Variants in USP5 observed in about 807,000 individuals in gnomAD.
USP5 encodes the protein ubiquitin specific peptidase 5.
A neutral mutation model predicts 102.5 loss-of-function variants in USP5; 24 were observed. The observed-to-expected ratio is 0.23, with a 90% CI of 0.17 to 0.33. USP5 has a LOEUF of 0.33. USP5 is among the 10% of genes least tolerant of loss of function. USP5 has a pLI of 1.00. For synonymous variants in USP5, 460 were observed against 434.8 expected, an observed-to-expected ratio of 1.06 and a Z score of -0.72; for missense variants, 753 against 1,122.1, an observed-to-expected ratio of 0.67 and a Z score of 4.70.
chr12:6,861,137 C>T lies in USP5; in HGVS notation c.1498+31C>T, dbSNP rs1185106186. The T allele has an allele frequency of 4.3e-6, 7 of 1,612,248 alleles. No individual in the cohort carries two copies. The highest frequency in any genetic ancestry group is 1.7e-4 in the Middle Eastern group (1 of 5,994). Reference sequence around the variant, plus strand: ...CTGCTCCATCAGCAAGGCCGTGGCACGGTGGGAGGCTAAGGTCTAGGAGGA... The same window carrying T: ...CTGCTCCATCAGCAAGGCCGTGGCATGGTGGGAGGCTAAGGTCTAGGAGGA... On this transcript the variant is annotated intron_variant, in intron 12 of 19. Transcript: ENST00000229268. This position sits in a 1 kb window ranked among gnomAD's most constrained non-coding sequence, Gnocchi z 4.9.
Position 6,860,169 on chromosome 12 carries a change from C to T in USP5, c.1149C>T (p.Gly383=), listed in dbSNP as rs1555129205. 3.1e-6 allele frequency: 5 copies of T among 1,605,318 alleles called. No individual in the cohort carries two copies. The highest frequency in any genetic ancestry group is 1.1e-5 in the South Asian group (1 of 89,776). ...AATGCAGGGCCAAGCTGGGCCATGG[C>T]CTTCTCTCCGGGGAGTATTCCAAGC... ...FSTQVAKLGH[G]LLSGEYSKPV... The change falls in exon 10 of 20, where the codon GGC becomes GGT. Residue 383 remains glycine (G), a synonymous_variant. Transcript: ENST00000229268. The surrounding 1 kb of genome is among the most constrained non-coding windows in gnomAD (Gnocchi z 5.5).
intron 18 of USP5, 125 bp from the exon 19 acceptor site, chr12:6,865,039 C>G: frequency 1.6e-6 from 2 of 1,279,238 alleles, no homozygotes; most frequent in Non-Finnish European, 2.2e-6. Context: ...CAGGCTCTGG[C>G]CCAGTACCTG....
chr12:6,864,754 C>T lies in USP5; in HGVS notation c.2277C>T (p.Ile759=), dbSNP rs782376132. ...NNSLERAVDW[I]FSHIDDLDAE... is the part of the protein sequence containing the mutation. ...GTTTAGAACGGGCTGTGGACTGGAT[C>T]TTCAGTCACATTGACGACCTGGATG... Residue 759 remains isoleucine (I), a synonymous_variant, in exon 18 of 20, where the codon ATC becomes ATT. Coordinates refer to ENST00000229268, the MANE Select transcript of USP5 (RefSeq NM_001098536.2). This position sits in a 1 kb window ranked among gnomAD's most constrained non-coding sequence, Gnocchi z 4.8. 11 of 1,612,774 alleles carry T rather than the reference C, an allele frequency of 6.8e-6. No homozygotes were observed. Among genetic ancestry groups the T allele is most frequent in the Non-Finnish European group, 8.5e-6 (10 of 1,180,032 alleles).
chr12:6,865,835 C>T (rs1944429516), intron 19 of USP5, 149 bp from the exon 20 acceptor site: 1 of 689,132 alleles, frequency 1.5e-6, no homozygotes, highest in East Asian at 2.7e-5. Flanking sequence ...TTGTGAAGCT[C>T]CCTTAAGGCA....
intron 19 of USP5, among the ~76,000 whole-genome samples, chr12:6,865,473 G>A (rs77625565): frequency 1.3e-5 from 2 of 152,126 alleles, no homozygotes; most frequent in African/African-American, 4.8e-5. Flanking sequence ...ATGTTGCCCA[G>A]GCTGGTCTTG....
At chr12:6,857,269 C>T (rs1056388641) in intron 6 of USP5, 8 of 328,124 alleles carry the variant, frequency 2.4e-5, no homozygotes, top group Non-Finnish European at 4.0e-5. Context: ...GGACTCCAGC[C>T]TGGGCTACAG....
rs1944333634 is a variant in USP5, at chr12:6,863,416, T to C, written c.1954+39T>C. Reference sequence around the variant, plus strand: ...CTTCCTGCCTGTCTCTCTCCCGTGCTGATGGGGGCCTCTCTGCCTTGCATC... The same window carrying C: ...CTTCCTGCCTGTCTCTCTCCCGTGCCGATGGGGGCCTCTCTGCCTTGCATC... On this transcript the variant is annotated intron_variant, in intron 15 of 19. Transcript: ENST00000229268. The surrounding 1 kb of genome is among the most constrained non-coding windows in gnomAD (Gnocchi z 4.7). The C allele has an allele frequency of 1.9e-6, 3 of 1,591,288 alleles. No homozygotes were observed. The highest frequency in any genetic ancestry group is 1.7e-4 in the Middle Eastern group (1 of 5,948).
At chr12:6,852,898 C>T (rs974140213) in intron 1 of USP5, among the ~76,000 whole-genome samples, 5 of 152,114 alleles carry the variant, frequency 3.3e-5, no homozygotes, top group Admixed American at 3.3e-4. Context: ...GAGCAATGGC[C>T]GCAGCCCCCA....
At position 6,858,147 on chromosome 12, in the gene USP5, T is replaced by C. The variant is rs1408012047; in HGVS notation, c.865-277T>C. ...GCTTAACTGACAATGTGAAGGAGGT[T>C]AGGGGTAACTTAAGGATGGGAAAAA... On this transcript the variant is annotated intron_variant, in intron 7 of 19. Coordinates refer to ENST00000229268, the MANE Select transcript of USP5 (RefSeq NM_001098536.2). The surrounding 1 kb of genome is among the most constrained non-coding windows in gnomAD (Gnocchi z 4.2). Among the ~76,000 whole-genome samples, 3 of 152,158 alleles carry C rather than the reference T, an allele frequency of 2.0e-5. No homozygotes were observed. Among genetic ancestry groups the C allele is most frequent in the Non-Finnish European group, 2.9e-5 (2 of 68,034 alleles).
chr12:6,859,379 C>A, intron 8 of USP5, 91 bp from the exon 9 acceptor site: 1 of 1,315,392 alleles, frequency 7.6e-7, no homozygotes, highest in Non-Finnish European at 1.1e-6. Flanking sequence ...TGAGGGGAGC[C>A]CGTTCACAGA....
At chr12:6,859,211 C>T (rs782654235) in intron 8 of USP5, among the ~76,000 whole-genome samples, 42 of 152,208 alleles carry the variant, frequency 2.8e-4, no homozygotes, top group Admixed American at 7.2e-4. Context: ...TCCAATAGAA[C>T]GTGAACTGCA....
At position 6,866,264 on chromosome 12, in the gene USP5, G is replaced by T; in HGVS notation, c.*187G>T. 1.7e-6 allele frequency: 1 copy of T among 602,178 alleles called. No homozygotes were observed. The highest frequency in any genetic ancestry group is 2.9e-6 in the Non-Finnish European group (1 of 340,606). 37.3% of individuals were successfully genotyped at this position (602,178 alleles called of 1,614,324 possible). On this transcript the variant is annotated 3_prime_UTR_variant, in exon 20 of 20. Coordinates refer to ENST00000229268, the MANE Select transcript of USP5 (RefSeq NM_001098536.2). The surrounding 1 kb of genome is among the most constrained non-coding windows in gnomAD (Gnocchi z 4.7). Reference sequence around the variant, plus strand: ...GCAGAGGGGCAGCGATAGACTCTGGGGATGGAGCAGGACGGGGACGGGAGG... The same window carrying T: ...GCAGAGGGGCAGCGATAGACTCTGGTGATGGAGCAGGACGGGGACGGGAGG...
rs1555129429 is a variant in USP5, at chr12:6,861,031, G to A, written c.1423G>A (p.Glu475Lys). 2 of 1,614,276 alleles carry A rather than the reference G, an allele frequency of 1.2e-6. No homozygotes were observed. The highest frequency in any genetic ancestry group is 1.7e-5 in the Admixed American group (1 of 60,034). Residue 475 changes from glutamate (E) to lysine (K), a missense_variant, in exon 12 of 20, where the codon GAG becomes AAG. This residue lies in a region of USP5 where 527 missense variants were observed against 816.5 expected (regional missense o/e 0.65). Coordinates refer to ENST00000229268, the MANE Select transcript of USP5 (RefSeq NM_001098536.2). This position sits in a 1 kb window ranked among gnomAD's most constrained non-coding sequence, Gnocchi z 4.9. The part of the protein sequence containing the change: ...VEEKIKCLAT[E>K]KVKYTQRVDY... Reference sequence around the variant, plus strand: ...GGAAAAGATCAAGTGCCTGGCCACAGAGAAGGTGAAGTACACCCAGCGAGT... The same window carrying A: ...GGAAAAGATCAAGTGCCTGGCCACAAAGAAGGTGAAGTACACCCAGCGAGT...
chr12:6,863,233 G>A lies in USP5; in HGVS notation c.1810G>A (p.Gly604Ser). ...GGAGCTCGACATCTCCCAGTTGAGG[G>A]GCACAGGGCTGCAGCCCGGAGAGGA... is the stretch of plus-strand genomic sequence containing the variant. ...PEELDISQLR[G>S]TGLQPGEEEL... The change falls in exon 15 of 20, where the codon GGC becomes AGC. Residue 604 changes from glycine (G) to serine (S), a missense_variant. By Grantham distance (56) the Gly-to-Ser change is moderately conservative (BLOSUM62 0). Coordinates refer to ENST00000229268, the MANE Select transcript of USP5 (RefSeq NM_001098536.2). This position sits in a 1 kb window ranked among gnomAD's most constrained non-coding sequence, Gnocchi z 4.7. The A allele has an allele frequency of 6.2e-7, 1 of 1,614,070 alleles. No individual in the cohort carries two copies. The highest frequency in any genetic ancestry group is 8.5e-7 in the Non-Finnish European group (1 of 1,179,988).
In USP5 at chr12:6,861,571, G is replaced by A. The variant is rs1555129581; in HGVS notation, c.1627G>A (p.Asp543Asn). The change falls in exon 13 of 20, where the codon GAT (aspartate) becomes AAT (asparagine). Residue 543 changes from aspartate to asparagine, a missense_variant. Around this residue, in one of 3 missense-constraint regions of USP5, gnomAD observed 527 missense variants for 816.5 expected, o/e 0.65. Transcript: ENST00000229268. This position sits in a 1 kb window ranked among gnomAD's most constrained non-coding sequence, Gnocchi z 4.9. ...LEAYGAPEQV[D>N]DFWSTALQAK... ...GGCCTACGGGGCCCCTGAGCAGGTC[G>A]ATGACTTCTGGAGCACGGCCCTGCA... 3 of 1,595,864 alleles carry A rather than the reference G, an allele frequency of 1.9e-6. No homozygotes were observed. Among genetic ancestry groups the A allele is most frequent in the South Asian group, 2.2e-5 (2 of 90,454 alleles).
At position 6,861,353 on chromosome 12, in the gene USP5, T is replaced by A. The variant is rs1267521936; in HGVS notation, c.1499-90T>A. ...GGGTGCTTTGGAAGGGTAGAGGAACTGAAATACGGACACAGAGCCAGTAGG... is the reference window on the plus strand; with the variant it reads ...GGGTGCTTTGGAAGGGTAGAGGAACAGAAATACGGACACAGAGCCAGTAGG... On this transcript the variant is annotated intron_variant, in intron 12 of 19. Coordinates refer to ENST00000229268, the MANE Select transcript of USP5 (RefSeq NM_001098536.2). The surrounding 1 kb of genome is among the most constrained non-coding windows in gnomAD (Gnocchi z 4.9). 1.4e-6 allele frequency: 2 copies of A among 1,447,404 alleles called. No homozygotes were observed. The highest frequency in any genetic ancestry group is 1.9e-6 in the Non-Finnish European group (2 of 1,074,392). 89.7% of individuals were successfully genotyped at this position (1,447,404 alleles called of 1,614,324 possible). A position where few individuals can be genotyped will look rare whatever the true frequency, so the allele number is the denominator to read the frequency against.
rs782022808 is a variant in USP5, at chr12:6,863,888, C to T, written c.2013C>T (p.Asp671=). The T allele has an allele frequency of 7.4e-6, 12 of 1,612,012 alleles. No homozygotes were observed. The highest frequency in any genetic ancestry group is 5.5e-5 in the South Asian group (5 of 90,844). ...TGGTGGAGATGGGATTCCCTATGGA[C>T]GCCTGCCGCAAAGCTGTCTACTACA... is the stretch of plus-strand genomic sequence containing the variant. ...IQLVEMGFPM[D]ACRKAVYYTG... Residue 671 remains aspartate, a synonymous_variant, in exon 16 of 20, where the codon GAC becomes GAT. Coordinates refer to ENST00000229268, the MANE Select transcript of USP5 (RefSeq NM_001098536.2). The surrounding 1 kb of genome is among the most constrained non-coding windows in gnomAD (Gnocchi z 4.7).
chr12:6,863,373 G>T lies in USP5; in HGVS notation c.1950G>T (p.Pro650=). 1 of 1,613,094 alleles carries T rather than the reference G, an allele frequency of 6.2e-7. No homozygotes were observed. Among genetic ancestry groups the T allele is most frequent in the Non-Finnish European group, 8.5e-7 (1 of 1,179,408 alleles). ...TCTGCTCCCCTCACTTCTCCTCTCC[G>T]ACATGTTAGTGACTCTTCTTCCTGC... The part of the protein sequence containing the change: ...DSFCSPHFSS[P]TSPMLDESVI... Residue 650 remains proline (P), a synonymous_variant, in exon 15 of 20, where the codon CCG becomes CCT. Coordinates refer to ENST00000229268, the MANE Select transcript of USP5 (RefSeq NM_001098536.2). The surrounding 1 kb of genome is among the most constrained non-coding windows in gnomAD (Gnocchi z 4.7).
Position 6,860,189 on chromosome 12 carries a change from C to G in USP5, c.1169C>G (p.Ser390Cys), listed in dbSNP as rs782205703. ...CATGGCCTTCTCTCCGGGGAGTATT[C>G]CAAGCCAGTACCGGAGTCGGGCGAT... Reference protein sequence around the residue: ...LGHGLLSGEYSKPVPESGDGE... With the variant: ...LGHGLLSGEYCKPVPESGDGE... Residue 390 changes from serine (S) to cysteine (C), a missense_variant, in exon 10 of 20, where the codon TCC becomes TGC. Transcript: ENST00000229268. This position sits in a 1 kb window ranked among gnomAD's most constrained non-coding sequence, Gnocchi z 5.5. The G allele has an allele frequency of 1.2e-6, 2 of 1,607,776 alleles. No individual in the cohort carries two copies. The highest frequency in any genetic ancestry group is 1.7e-6 in the Non-Finnish European group (2 of 1,178,290).
Sources: gnomAD v4.1 joint callset for allele counts (sites outside exome capture counted in the v4.1 genomes callset) on GRCh38, gnomAD v4.1.1 for gene constraint, gnomAD v4.1.1 regional missense constraint, Gnocchi (gnomAD v3.1) non-coding constraint, MANE v1.5 for transcripts, NCBI Gene and HGNC (gene_info 2026-07-23, HGNC 2026-07-21) for gene names.